Variants in CADM1 observed in about 807,000 individuals in gnomAD.
The protein encoded by CADM1 is TSLC-1.
In CADM1, 15 loss-of-function variants were observed where a neutral mutation model predicts 53.1. That is an observed-to-expected ratio of 0.28 (90% CI 0.19 to 0.44). The LOEUF (loss-of-function observed/expected upper bound fraction) is 0.44. Ranked by LOEUF, CADM1 falls within the 20% of genes least tolerant of loss-of-function variation. The pLI is 1.00. For synonymous variants in CADM1, 281 were observed against 243.0 expected (o/e 1.16, Z -1.45); for missense variants, 434 against 611.3 (o/e 0.71, Z 3.06).
chr11:115,496,930 G>A (rs905761012), intron 1 of CADM1, among the ~76,000 whole-genome samples: 2 of 152,140 alleles, frequency 1.3e-5, no homozygotes, highest in African/African-American at 2.4e-5. Context: ...TTTTTTAAAC[G>A]TTAACTTTTA....
At position 115,386,474 on chromosome 11, in the gene CADM1, G is replaced by A. The variant is rs537487351; in HGVS notation, c.124+117797C>T. Among the ~76,000 whole-genome samples the A allele has an allele frequency of 8.5e-5, 13 of 152,294 alleles. No homozygotes were observed. The South Asian group carries it at 2.5e-3, about 29-fold the overall frequency. ...GGAATTAATTTCTTACAGTTATGGA[G>A]GCTGAAAAGTACAGGGTCAAGGAGC... On this transcript the variant is annotated intron_variant, in intron 1 of 11. Transcript: ENST00000331581.
In CADM1 at chr11:115,176,605, G is replaced by C; in HGVS notation, c.1298-13C>G. The C allele has an allele frequency of 6.2e-7, 1 of 1,610,210 alleles. No individual in the cohort carries two copies. Among genetic ancestry groups the C allele is most frequent in the Non-Finnish European group, 8.5e-7 (1 of 1,176,480 alleles). On this transcript the variant is annotated splice_polypyrimidine_tract_variant and intron_variant, in intron 11 of 11. Transcript: ENST00000331581. ...GTGAAGTATGTACCTGAAAGATGAA[G>C]GGGTAAAGCACCGTGACTGTCTGAT... is the stretch of plus-strand genomic sequence containing the variant.
At chr11:115,369,026 T>TAAAAAAAAAAAAAAAAAAAAAAAA (rs552309443) in intron 1 of CADM1, among the ~76,000 whole-genome samples, 4 of 44,748 alleles carry the variant, frequency 8.9e-5, no homozygotes, top group South Asian at 1.3e-3. Flanking sequence ...AAAAAAAATC[T>TAAAAAAAAAAAAAAAAAAAAAAAA]AAAAAAAAAA....
chr11:115,353,625 C>G (rs940376896), intron 1 of CADM1, among the ~76,000 whole-genome samples: 1 of 152,134 alleles, frequency 6.6e-6, no homozygotes, highest in Non-Finnish European at 1.5e-5. Context: ...GATTCCCAGA[C>G]TGAGATAGAA....
At position 115,176,142 on chromosome 11, in the gene CADM1, A is replaced by G; in HGVS notation, c.*332T>C. The G allele has an allele frequency of 8.6e-7, 1 of 1,157,616 alleles. No homozygotes were observed. The highest frequency in any genetic ancestry group is 1.1e-6 in the Non-Finnish European group (1 of 928,330). The allele number at this position is 1,157,616 out of a possible 1,614,324, so 71.7% of individuals were successfully genotyped here. A position where few individuals can be genotyped will look rare whatever the true frequency, so the allele number is the denominator to read the frequency against. On this transcript the variant is annotated 3_prime_UTR_variant, in exon 12 of 12. Transcript: ENST00000331581. ...AGGAAATAAATGTGCACAAAGGGGG[A>G]AAAGAAAGGAACGCAACAAACAAAC...
chr11:115,252,214 GATAA>G (rs1024014286), intron 1 of CADM1, among the ~76,000 whole-genome samples: 12 of 152,214 alleles, frequency 7.9e-5, no homozygotes, highest in Non-Finnish European at 1.5e-4. Context: ...TTTTAAAATG[GATAA>G]ATGTTATCTC....
At chr11:115,216,338 G>A (rs921670687) in intron 6 of CADM1, among the ~76,000 whole-genome samples, 4 of 152,168 alleles carry the variant, frequency 2.6e-5, no homozygotes, top group African/African-American at 9.7e-5. Flanking sequence ...TGTCCCCGTG[G>A]CACATTCAAT....
chr11:115,266,208 G>A (rs1413748221), intron 1 of CADM1, among the ~76,000 whole-genome samples: 1 of 152,204 alleles, frequency 6.6e-6, no homozygotes, highest in Non-Finnish European at 1.5e-5. Flanking sequence ...CCAGGGAGCT[G>A]CTTATTGTGC....
chr11:115,436,103 T>A (rs1261939385), intron 1 of CADM1, among the ~76,000 whole-genome samples: 4 of 152,210 alleles, frequency 2.6e-5, no homozygotes, highest in Non-Finnish European at 4.4e-5. Context: ...ACTGTTCTAT[T>A]GCATCTTACT....
At position 115,209,575 on chromosome 11, in the gene CADM1, T is replaced by A; in HGVS notation, c.1077A>T (p.Thr359=). ...TTTTTILTII[T]DTTATTEPAV... is the part of the protein sequence containing the mutation. ...TCAATGGTAATGAAGATACCATACC[T>A]GTGATGATGGTAAGGATGGTGGTGG... The change falls in exon 8 of 12, where the codon ACA becomes ACT. Residue 359 remains threonine (T), a splice_region_variant and synonymous_variant. Transcript: ENST00000331581. The A allele has an allele frequency of 1.2e-6, 2 of 1,611,378 alleles. No homozygotes were observed. The highest frequency in any genetic ancestry group is 1.7e-6 in the Non-Finnish European group (2 of 1,179,110).
rs776038452 is a variant in CADM1, at chr11:115,217,930, G to C, written c.783C>G (p.Asp261Glu). Residue 261 changes from aspartate to glutamate, a missense_variant, in exon 6 of 12, where the codon GAC (aspartate) becomes GAG (glutamate). By Grantham distance (45) the Asp-to-Glu change is conservative. This residue lies in a region of CADM1 where 311 missense variants were observed against 435.1 expected (regional missense o/e 0.71). Coordinates refer to ENST00000331581, the MANE Select transcript of CADM1 (RefSeq NM_001301043.2). ...TGGCTTCACATGTTAACTCAAGCGC[G>C]TCCCCTTCCCGGGTTAAGCCTTGTA... is the stretch of plus-strand genomic sequence containing the variant. ...YPLQGLTREG[D>E]ALELTCEAIG... 4 of 1,613,514 alleles carry C rather than the reference G, an allele frequency of 2.5e-6. No individual in the cohort carries two copies. In the East Asian group the frequency reaches 6.7e-5, roughly 27 times the overall value.
At chr11:115,200,410 G>T (rs1940363163) in intron 8 of CADM1, among the ~76,000 whole-genome samples, 1 of 152,110 alleles carries the variant, frequency 6.6e-6, no homozygotes, top group Non-Finnish European at 1.5e-5. Flanking sequence ...TTATAGATAG[G>T]CATCGGCTCC....
At chr11:115,361,880 C>T (rs752947228) in intron 1 of CADM1, among the ~76,000 whole-genome samples, 3 of 137,522 alleles carry the variant, frequency 2.2e-5, no homozygotes, top group Non-Finnish European at 4.9e-5. Context: ...TGTGCACCAC[C>T]ACACCCGAGT....
chr11:115,470,723 G>A (rs1948994305), intron 1 of CADM1, among the ~76,000 whole-genome samples: 1 of 152,078 alleles, frequency 6.6e-6, no homozygotes, highest in Non-Finnish European at 1.5e-5. Context: ...GTGCTGTCCT[G>A]GTAGAGTTAA....
At chr11:115,386,039 T>A (rs1225411162) in intron 1 of CADM1, among the ~76,000 whole-genome samples, 1 of 152,244 alleles carries the variant, frequency 6.6e-6, no homozygotes, top group Admixed American at 6.5e-5. Flanking sequence ...CCTGCTGGAA[T>A]GAAAGAAGCA....
chr11:115,232,833 A>T (rs1483781605), intron 3 of CADM1, among the ~76,000 whole-genome samples: 19 of 152,224 alleles, frequency 1.2e-4, no homozygotes, highest in Admixed American at 1.2e-3. Context: ...GAATAAGCAA[A>T]GACAGTTCCG....
intron 1 of CADM1, chr11:115,397,016 GGA>G (rs1373705850): frequency 6.6e-6 from 1 of 152,054 alleles, no homozygotes; most frequent in East Asian, 1.9e-4. Context: ...CTATCAAGCA[GGA>G]GAAAAGAAAT....
At chr11:115,283,183 A>G (rs1943633015) in intron 1 of CADM1, among the ~76,000 whole-genome samples, 3 of 152,198 alleles carry the variant, frequency 2.0e-5, no homozygotes, top group East Asian at 3.8e-4. Flanking sequence ...TTCTGCCCTC[A>G]TTAGGAAAAC....
At chr11:115,489,709 CTGTT>C (rs1161527049) in intron 1 of CADM1, among the ~76,000 whole-genome samples, 3 of 152,102 alleles carry the variant, frequency 2.0e-5, no homozygotes, top group African/African-American at 7.2e-5. Flanking sequence ...TCAGAGAAGT[CTGTT>C]TGATAGGAAG....
Sources: gnomAD v4.1 joint callset for allele counts (sites outside exome capture counted in the v4.1 genomes callset) on GRCh38, gnomAD v4.1.1 for gene constraint, gnomAD v4.1.1 regional missense constraint, MANE v1.5 for transcripts, NCBI Gene and HGNC (gene_info 2026-07-23, HGNC 2026-07-21) for gene names.